Variants in LDLRAD4 observed in about 807,000 individuals in gnomAD.
LDLRAD4 encodes low density lipoprotein receptor class A domain containing 4.
LDLRAD4 carries 5 observed loss-of-function variants against 17.0 expected under a neutral mutation model. That is an observed-to-expected ratio of 0.29 (90% CI 0.15 to 0.62). The LOEUF is 0.62. Among genes scored for constraint, LDLRAD4 ranks in the 20% least tolerant of loss-of-function variants. The pLI is 0.84. For synonymous variants in LDLRAD4, 168 were observed against 171.8 expected, an observed-to-expected ratio of 0.98 and a Z score of 0.17; for missense variants, 340 against 424.7, an observed-to-expected ratio of 0.80 and a Z score of 1.75.
chr18:13,303,536 T>C (rs2046732209), intron 1 of LDLRAD4, among the ~76,000 whole-genome samples: 1 of 152,160 alleles, frequency 6.6e-6, no homozygotes, highest in Admixed American at 6.5e-5. Context: ...CTCGTTATGT[T>C]GCCTGGGCTG....
intron 3 of LDLRAD4, among the ~76,000 whole-genome samples, chr18:13,601,653 G>GAA (rs71174174): frequency 4.1e-4 from 51 of 124,410 alleles, no homozygotes; most frequent in Admixed American, 6.6e-4. Context: ...GACTCTGTCT[G>GAA]AAAAAAAAAA....
At chr18:13,299,907 G>A (rs1445590612) in intron 1 of LDLRAD4, among the ~76,000 whole-genome samples, 1 of 152,138 alleles carries the variant, frequency 6.6e-6, no homozygotes, top group Non-Finnish European at 1.5e-5. Flanking sequence ...TGGTGGTGAC[G>A]TCTGCATTGG....
chr18:13,567,563 T>C (rs969944943), intron 3 of LDLRAD4, among the ~76,000 whole-genome samples: 3 of 152,316 alleles, frequency 2.0e-5, no homozygotes, highest in East Asian at 1.9e-4. Flanking sequence ...TTCTCAGCAC[T>C]GAACTTCTCT....
intron 3 of LDLRAD4, among the ~76,000 whole-genome samples, chr18:13,600,684 C>G (rs1443166868): frequency 6.6e-6 from 1 of 152,194 alleles, no homozygotes; most frequent in African/African-American, 2.4e-5. Context: ...TTCTGCCTCT[C>G]AGAGGATGAA....
intron 1 of LDLRAD4, among the ~76,000 whole-genome samples, chr18:13,264,786 A>G (rs1384854227): frequency 6.6e-6 from 1 of 152,244 alleles, no homozygotes. Flanking sequence ...TGAAAAGAGT[A>G]GTTGAAGAAT....
intron 1 of LDLRAD4, among the ~76,000 whole-genome samples, chr18:13,361,488 C>A (rs2083667418): frequency 6.6e-6 from 1 of 152,220 alleles, no homozygotes; most frequent in Non-Finnish European, 1.5e-5. Flanking sequence ...TCCAGGCCCT[C>A]AGTACAGTTC....
intron 3 of LDLRAD4, chr18:13,488,558 A>G (rs1477119577): frequency 3.9e-5 from 6 of 152,240 alleles, no homozygotes; most frequent in African/African-American, 1.4e-4. Context: ...TGCACTAAGA[A>G]AGCCAGGCCT....
intron 1 of LDLRAD4, chr18:13,239,609 C>A (rs549719101): frequency 2.6e-5 from 4 of 152,310 alleles, no homozygotes; most frequent in Non-Finnish European, 5.9e-5. Context: ...GCCAGCCATC[C>A]GGCTGGAGAG....
chr18:13,604,585 C>T (rs968523075), intron 3 of LDLRAD4, among the ~76,000 whole-genome samples: 1 of 152,176 alleles, frequency 6.6e-6, no homozygotes, highest in African/African-American at 2.4e-5. Context: ...TCTCGAGCCT[C>T]ATTTTCTGTG....
exon 5 of LDLRAD4, chr18:13,643,371 T>C: frequency 7.1e-7 from 1 of 1,418,376 alleles, no homozygotes; most frequent in Non-Finnish European, 9.3e-7. Context: ...AGGGTGCCTG[T>C]GGCCTTCAGA....
At chr18:13,234,602 G>A (rs113205270) in intron 1 of LDLRAD4, among the ~76,000 whole-genome samples, 1 of 152,318 alleles carries the variant, frequency 6.6e-6, no homozygotes, top group African/African-American at 2.4e-5. Context: ...CACCAGGTGT[G>A]GGTGTGAGGC....
At chr18:13,334,373 G>C (rs2082005962) in intron 1 of LDLRAD4, among the ~76,000 whole-genome samples, 1 of 152,078 alleles carries the variant, frequency 6.6e-6, no homozygotes, top group Admixed American at 6.5e-5. Context: ...GAGTAGCTGG[G>C]ACTACAGGCA....
intron 3 of LDLRAD4, among the ~76,000 whole-genome samples, chr18:13,547,156 A>G (rs567261752): frequency 6.6e-6 from 1 of 152,276 alleles, no homozygotes; most frequent in South Asian, 2.1e-4. Context: ...CTTTATTTCC[A>G]TTAAGTCATC....
chr18:13,441,898 A>T (rs2091047443), intron 3 of LDLRAD4, among the ~76,000 whole-genome samples: 1 of 152,070 alleles, frequency 6.6e-6, no homozygotes. Context: ...CTGCTGAGAG[A>T]CCAAAGGGTT....
chr18:13,619,302 G>A (rs1020452472), intron 3 of LDLRAD4, among the ~76,000 whole-genome samples: 5 of 152,102 alleles, frequency 3.3e-5, no homozygotes, highest in Non-Finnish European at 7.4e-5. Flanking sequence ...CAGAGTCGAA[G>A]ACTGTGTTCC....
At chr18:13,619,311 C>G (rs2040372333) in intron 3 of LDLRAD4, among the ~76,000 whole-genome samples, 1 of 152,022 alleles carries the variant, frequency 6.6e-6, no homozygotes, top group Admixed American at 6.5e-5. Context: ...AGACTGTGTT[C>G]CTAGGTAAAC....
At chr18:13,495,416 C>G (rs1278270659) in intron 3 of LDLRAD4, among the ~76,000 whole-genome samples, 1 of 152,202 alleles carries the variant, frequency 6.6e-6, no homozygotes, top group African/African-American at 2.4e-5. Context: ...TTTCTCTGAG[C>G]CTGCCTTCAG....
rs79712063 is a variant in LDLRAD4, at chr18:13,524,495, A to C, written c.181+86111A>C. Among the ~76,000 whole-genome samples the C allele has an allele frequency of 5.9e-3, 902 of 152,306 alleles. 11 individuals carry two copies. The highest frequency in any genetic ancestry group is 0.02 in the African/African-American group (843 of 41,570). The stretch of plus-strand genomic sequence containing the variant: ...GTCTGTTATCTGGGAACAGAGTTTG[A>C]AGGAAGGCCCTAAGTTACCTGGTCA... On this transcript the variant is annotated intron_variant, in intron 3 of 5. Transcript: ENST00000359446.
rs1032538270 is a variant in LDLRAD4 at position 13,324,581 on chromosome 18, G to A, written c.-383+46393G>A. 7.9e-5 allele frequency among the ~76,000 whole-genome samples: 12 copies of A among 152,242 alleles called. No individual in the cohort carries two copies. The East Asian group carries it at 9.7e-4, about 12-fold the overall frequency. On this transcript the variant is annotated intron_variant, in intron 1 of 5. Coordinates refer to ENST00000359446, the Ensembl canonical transcript of LDLRAD4. ...TGGGTTTATTAGCTGGTGGCTTCTC[G>A]CAGGAGCACGTTGACTCTGAGGCCA...
Sources: gnomAD v4.1 joint callset for allele counts (sites outside exome capture counted in the v4.1 genomes callset) on GRCh38, gnomAD v4.1.1 for gene constraint, MANE v1.5 for transcripts, NCBI Gene and HGNC (gene_info 2026-07-23, HGNC 2026-07-21) for gene names.